Variants in ACAD9 observed in about 807,000 individuals in gnomAD.
The protein encoded by ACAD9 is acyl-CoA dehydrogenase family member 9, also known as complex I assembly factor ACAD9, mitochondrial.
In ACAD9, 53 loss-of-function variants were observed where a neutral mutation model predicts 70.2. The observed-to-expected ratio is 0.75, with a 90% CI of 0.61 to 0.95. The LOEUF (loss-of-function observed/expected upper bound fraction) is 0.95, where lower values mean the gene tolerates loss of function less well. Ranked by LOEUF, ACAD9 falls within the 40% of genes least tolerant of loss-of-function variation. The pLI is 0.00. For missense variants in ACAD9, 777 were observed against 802.8 expected, an observed-to-expected ratio of 0.97 and a Z score of 0.39; for synonymous variants, 313 against 312.1, an observed-to-expected ratio of 1.00 and a Z score of -0.03.
chr3:128,904,021 G>A, intron 9 of ACAD9, 41 bp from the exon 10 acceptor site: 1 of 1,601,420 alleles, frequency 6.2e-7, no homozygotes, highest in Non-Finnish European at 8.6e-7. Context: ...TTGAACCACA[G>A]AAATATTCCA....
Position 128,904,412 on chromosome 3 carries a change from G to A in ACAD9, c.1056G>A (p.Lys352=), listed in dbSNP as rs759711229. Residue 352 remains lysine, a synonymous_variant, in exon 11 of 18, where the codon AAG becomes AAA. Transcript: ENST00000308982. ...IQEKFALMAQ[K]AYVMESMTYL... ...AGAAATTTGCACTGATGGCTCAGAA[G>A]GCTTACGTCATGGAGAGTATGACCT... The A allele has an allele frequency of 2.5e-6, 4 of 1,614,112 alleles. No homozygotes were observed. Among genetic ancestry groups the A allele is most frequent in the Middle Eastern group, 1.6e-4 (1 of 6,084 alleles).
In ACAD9 at chr3:128,909,481, G is replaced by T. The variant is rs1333045306; in HGVS notation, c.1563+60G>T. 4 of 1,530,722 alleles carry T rather than the reference G, an allele frequency of 2.6e-6. No homozygotes were observed. In the East Asian group the frequency reaches 6.7e-5, roughly 26 times the overall value. The allele number at this position is 1,530,722 out of a possible 1,614,324, so 94.8% of individuals were successfully genotyped here. A position where few individuals can be genotyped will look rare whatever the true frequency, so the allele number is the denominator to read the frequency against. ...GTCCTCCAATTTGGCCAGCATTCAT[G>T]AGACTACTTTTTGTCAAGCATCCTT... On this transcript the variant is annotated intron_variant, in intron 15 of 17. Coordinates refer to ENST00000308982, the MANE Select transcript of ACAD9 (RefSeq NM_014049.5).
chr3:128,900,513 C>T (rs528949887), intron 7 of ACAD9, among the ~76,000 whole-genome samples: 1 of 151,566 alleles, frequency 6.6e-6, no homozygotes, highest in Non-Finnish European at 1.5e-5. Context: ...GCGTGAGCCA[C>T]CGCACCCGGC....
chr3:128,909,635 A>G, intron 15 of ACAD9: 1 of 628,762 alleles, frequency 1.6e-6, no homozygotes, highest in South Asian at 1.9e-5. Flanking sequence ...AGTTTTCTGC[A>G]GTGTTTTTCT....
At chr3:128,910,547 A>G (rs1370353986) in intron 16 of ACAD9, among the ~76,000 whole-genome samples, 194 bp from the exon 17 acceptor site, 1 of 152,160 alleles carries the variant, frequency 6.6e-6, no homozygotes, top group Non-Finnish European at 1.5e-5. Context: ...AGGGTCAGAG[A>G]TGTTGAGTCA....
At chr3:128,904,894 C>T (rs1935843263) in intron 11 of ACAD9, among the ~76,000 whole-genome samples, 1 of 152,102 alleles carries the variant, frequency 6.6e-6, no homozygotes, top group African/African-American at 2.4e-5. Context: ...CCTGTAATCC[C>T]AGCACTTTGG....
Position 128,884,672 on chromosome 3 carries a change from C to T in ACAD9, c.170C>T (p.Pro57Leu), listed in dbSNP as rs1486453975. Residue 57 changes from proline (P) to leucine (L), a missense_variant, in exon 2 of 18, where the codon CCA (proline) becomes CTA (leucine). Transcript: ENST00000308982. The part of the protein sequence containing the change: ...KIKKKEVFPF[P>L]EVSQDELNEI... ...TTTTAGAAAGAAGTTTTCCCATTTC[C>T]AGAAGTTAGCCAAGATGAACTTAAT... 1.2e-6 allele frequency: 2 copies of T among 1,611,546 alleles called. No individual in the cohort carries two copies. The highest frequency in any genetic ancestry group is 1.7e-6 in the Non-Finnish European group (2 of 1,179,300).
At position 128,912,798 on chromosome 3, in the gene ACAD9, A is replaced by G; in HGVS notation, c.*191A>G. The stretch of plus-strand genomic sequence containing the variant: ...TTTTGACCTGCAGGCAGTGCTCTCT[A>G]ACAGGACCATCACAGCTTCTGAACT... On this transcript the variant is annotated 3_prime_UTR_variant, in exon 18 of 18. Coordinates refer to ENST00000308982, the MANE Select transcript of ACAD9 (RefSeq NM_014049.5). The G allele has an allele frequency of 1.4e-6, 1 of 732,784 alleles. No homozygotes were observed. Among genetic ancestry groups the G allele is most frequent in the South Asian group, 1.4e-5 (1 of 73,484 alleles). 45.4% of individuals were successfully genotyped at this position (732,784 alleles called of 1,614,324 possible). A position where few individuals can be genotyped will look rare whatever the true frequency, so the allele number is the denominator to read the frequency against.
chr3:128,908,532 G>T (rs571323583), intron 13 of ACAD9: 1 of 584,428 alleles, frequency 1.7e-6, no homozygotes, highest in East Asian at 2.9e-5. Context: ...GAGGCAGCTG[G>T]TTTTTCAGAA....
At chr3:128,882,935 T>C (rs1294604332) in intron 1 of ACAD9, among the ~76,000 whole-genome samples, 1 of 152,216 alleles carries the variant, frequency 6.6e-6, no homozygotes. Flanking sequence ...GGCAGTCTTA[T>C]CTGGCCTGCC....
chr3:128,912,141 C>T (rs1191392855), intron 17 of ACAD9, among the ~76,000 whole-genome samples: 2 of 152,200 alleles, frequency 1.3e-5, no homozygotes, highest in Non-Finnish European at 2.9e-5. Flanking sequence ...GGTCCTAGCC[C>T]TGGGGGTAGC....
At chr3:128,908,911 G>C in intron 13 of ACAD9, 62 bp from the exon 14 acceptor site, 1 of 1,613,250 alleles carries the variant, frequency 6.2e-7, no homozygotes, top group Non-Finnish European at 8.5e-7. Context: ...AATGGGCCAT[G>C]TTGCTGGACA....
intron 3 of ACAD9, 39 bp from the exon 4 acceptor site, chr3:128,895,271 A>G (rs749365099): frequency 6.6e-7 from 1 of 1,510,424 alleles, no homozygotes; most frequent in South Asian, 1.2e-5. Context: ...GGAGGAATCT[A>G]GGGCTGGGCT....
intron 2 of ACAD9, among the ~76,000 whole-genome samples, chr3:128,892,383 T>G (rs1375506714): frequency 6.6e-6 from 1 of 152,212 alleles, no homozygotes; most frequent in Non-Finnish European, 1.5e-5. Context: ...AATTCTTAAG[T>G]GTAGGTTATG....
At position 128,890,438 on chromosome 3, in the gene ACAD9, C is replaced by CA. The variant is rs1321856614; in HGVS notation, c.245-3116dup. Among the ~76,000 whole-genome samples the CA allele has an allele frequency of 7.2e-5, 11 of 152,212 alleles. No individual in the cohort carries two copies. In the East Asian group the frequency reaches 2.1e-3, roughly 30 times the overall value. On this transcript the variant is annotated intron_variant, in intron 2 of 17. Transcript: ENST00000308982. The stretch of plus-strand genomic sequence containing the variant: ...ATAGTTTTGGCTGGGCGCAGTGGCT[C>CA]ATGCCTGTAATCCCAGCACTTTGGG...
chr3:128,900,657 C>G (rs1170924269), intron 7 of ACAD9, among the ~76,000 whole-genome samples: 1 of 152,136 alleles, frequency 6.6e-6, no homozygotes, highest in East Asian at 1.9e-4. Flanking sequence ...GCCACCATAC[C>G]CGACTGACCC....
At chr3:128,906,567 G>C (rs973919370) in intron 12 of ACAD9, among the ~76,000 whole-genome samples, 2 of 152,182 alleles carry the variant, frequency 1.3e-5, no homozygotes, top group African/African-American at 4.8e-5. Context: ...GCAGGGAGCG[G>C]GCATCCTCCA....
intron 2 of ACAD9, among the ~76,000 whole-genome samples, chr3:128,889,366 T>G (rs1192696170): frequency 6.6e-6 from 1 of 151,956 alleles, no homozygotes; most frequent in Non-Finnish European, 1.5e-5. Context: ...ATAGCCTAGG[T>G]GTGTAGTAGG....
intron 2 of ACAD9, among the ~76,000 whole-genome samples, chr3:128,893,340 C>T (rs574437995): frequency 2.2e-4 from 33 of 152,066 alleles, no homozygotes; most frequent in Non-Finnish European, 4.4e-4. Flanking sequence ...CAGAGTGAGA[C>T]CTTGTCTCTA....
Sources: gnomAD v4.1 joint callset for allele counts (sites outside exome capture counted in the v4.1 genomes callset) on GRCh38, gnomAD v4.1.1 for gene constraint, MANE v1.5 for transcripts, NCBI Gene and HGNC (gene_info 2026-07-23, HGNC 2026-07-21) for gene names.